Variants in CDKAL1 observed in about 807,000 individuals in gnomAD.
CDKAL1 encodes the protein CDKAL1 threonylcarbamoyladenosine tRNA methylthiotransferase.
CDKAL1 carries 32 observed loss-of-function variants against 68.2 expected under a neutral mutation model. The observed-to-expected ratio is 0.47, with a 90% CI of 0.35 to 0.63. The LOEUF (loss-of-function observed/expected upper bound fraction) is 0.63. Among genes scored for constraint, CDKAL1 ranks in the 30% least tolerant of loss-of-function variants. The pLI is 0.00. For synonymous variants in CDKAL1, 234 were observed against 244.3 expected, an observed-to-expected ratio of 0.96 and a Z score of 0.39; for missense variants, 606 against 696.7, an observed-to-expected ratio of 0.87 and a Z score of 1.47.
intron 8 of CDKAL1, among the ~76,000 whole-genome samples, chr6:20,799,207 C>T (rs1417149042): frequency 2.0e-5 from 3 of 151,914 alleles, no homozygotes; most frequent in Admixed American, 1.3e-4. Flanking sequence ...CACGCACCAC[C>T]GCACCTGGCT....
intron 13 of CDKAL1, among the ~76,000 whole-genome samples, chr6:21,174,156 G>A (rs188541329): frequency 1.2e-3 from 179 of 152,218 alleles, no homozygotes; most frequent in African/African-American, 3.9e-3. Flanking sequence ...GATCTCATTC[G>A]CTAAAGGAAC....
intron 7 of CDKAL1, among the ~76,000 whole-genome samples, chr6:20,772,519 GCCCCAGAAGGTAT>G (rs1215463848): frequency 1.3e-5 from 2 of 152,164 alleles, no homozygotes; most frequent in Non-Finnish European, 2.9e-5. Context: ...ACTGTAATTT[GCCCCAGAAGGTAT>G]CTCCATTAGA....
intron 8 of CDKAL1, among the ~76,000 whole-genome samples, chr6:20,809,405 G>A (rs12525153): frequency 0.12 from 18,656 of 152,062 alleles, 1,317 homozygotes; most frequent in African/African-American, 0.2. Context: ...AGTACAACAA[G>A]CTGATTAGGT....
rs1479614754 is a variant in CDKAL1 at position 20,658,552 on chromosome 6, A to G, written c.371+9175A>G. On this transcript the variant is annotated intron_variant, in intron 5 of 15. Transcript: ENST00000274695. ...CATAAATTATTGGATTGTTATTCCT[A>G]TTATGAAAATATTGTTTATGTAGAT... Among the ~76,000 whole-genome samples, 5 of 135,088 alleles carry G rather than the reference A, an allele frequency of 3.7e-5. No homozygotes were observed. In the South Asian group the frequency reaches 6.7e-4, roughly 18 times the overall value. 88.6% of individuals were successfully genotyped at this position (135,088 alleles called of 152,430 possible).
chr6:20,792,490 T>C (rs1775937999), intron 8 of CDKAL1, among the ~76,000 whole-genome samples: 1 of 152,228 alleles, frequency 6.6e-6, no homozygotes, highest in South Asian at 2.1e-4. Flanking sequence ...ATATATTTTA[T>C]GTACTGTTCT....
At chr6:21,035,413 T>C (rs1769521052) in intron 11 of CDKAL1, among the ~76,000 whole-genome samples, 2 of 152,118 alleles carry the variant, frequency 1.3e-5, no homozygotes, top group Non-Finnish European at 2.9e-5. Flanking sequence ...TTAGTACCCA[T>C]AGATTTTGTT....
At chr6:20,593,004 T>C (rs1765659172) in intron 4 of CDKAL1, among the ~76,000 whole-genome samples, 1 of 152,214 alleles carries the variant, frequency 6.6e-6, no homozygotes, top group Non-Finnish European at 1.5e-5. Flanking sequence ...CAGCCTTGCA[T>C]CCCAGGGATG....
intron 4 of CDKAL1, among the ~76,000 whole-genome samples, chr6:20,571,818 C>CAAA (rs1319211893): frequency 6.6e-6 from 1 of 151,634 alleles, no homozygotes; most frequent in East Asian, 1.9e-4. Context: ...GAATAGTTAC[C>CAAA]CATCTTGATG....
chr6:20,850,007 A>T (rs895133911), intron 9 of CDKAL1, among the ~76,000 whole-genome samples: 7 of 152,230 alleles, frequency 4.6e-5, no homozygotes, highest in Non-Finnish European at 8.8e-5. Flanking sequence ...GAAAGTAACC[A>T]TAATAGAAGA....
chr6:20,724,573 TGA>T (rs1486853835), intron 5 of CDKAL1, among the ~76,000 whole-genome samples: 2 of 151,316 alleles, frequency 1.3e-5, no homozygotes, highest in Non-Finnish European at 2.9e-5. Flanking sequence ...AAAAAAAAGC[TGA>T]GAGTGGAGGT....
At chr6:20,722,424 G>A in intron 5 of CDKAL1, 1 of 255,996 alleles carries the variant, frequency 3.9e-6, no homozygotes, top group Admixed American at 4.2e-5. Flanking sequence ...ATTTGCAACT[G>A]GGCTCAAAGC....
chr6:20,879,612 A>G (rs763807954), intron 9 of CDKAL1, among the ~76,000 whole-genome samples: 6 of 152,006 alleles, frequency 3.9e-5, no homozygotes, highest in Non-Finnish European at 8.8e-5. Flanking sequence ...TGGAATTTAA[A>G]CCTTGTTCTC....
chr6:20,992,519 A>G (rs952795496), intron 10 of CDKAL1, among the ~76,000 whole-genome samples: 1 of 152,240 alleles, frequency 6.6e-6, no homozygotes, highest in African/African-American at 2.4e-5. Context: ...TCAAGCTAAT[A>G]TAATTCAGAA....
chr6:20,609,889 C>T (rs1190440803), intron 4 of CDKAL1, among the ~76,000 whole-genome samples: 2 of 152,056 alleles, frequency 1.3e-5, no homozygotes, highest in African/African-American at 4.8e-5. Flanking sequence ...GTATTAAGCC[C>T]AGTATCCGTT....
At chr6:20,750,000 C>T (rs960090492) in intron 6 of CDKAL1, among the ~76,000 whole-genome samples, 1 of 152,086 alleles carries the variant, frequency 6.6e-6, no homozygotes, top group Admixed American at 6.5e-5. Context: ...ACCACCACAC[C>T]TGGCCCCAGA....
intron 6 of CDKAL1, among the ~76,000 whole-genome samples, chr6:20,750,560 A>ACCACC (rs1372041833): frequency 6.6e-6 from 1 of 152,090 alleles, no homozygotes; most frequent in Admixed American, 6.5e-5. Context: ...GAGAAGGGAG[A>ACCACC]TTCATCAAGT....
At chr6:20,676,691 AAAT>A (rs1770124222) in intron 5 of CDKAL1, among the ~76,000 whole-genome samples, 1 of 147,918 alleles carries the variant, frequency 6.8e-6, no homozygotes, top group African/African-American at 2.5e-5. Context: ...ATAAATAAAT[AAAT>A]AAATAAATAA....
At chr6:21,124,508 T>C (rs1774892998) in intron 13 of CDKAL1, among the ~76,000 whole-genome samples, 1 of 151,938 alleles carries the variant, frequency 6.6e-6, no homozygotes, top group African/African-American at 2.4e-5. Flanking sequence ...TCGATGAATA[T>C]TACATCTCTC....
At chr6:21,193,996 G>A (rs1339655155) in intron 13 of CDKAL1, among the ~76,000 whole-genome samples, 1 of 152,172 alleles carries the variant, frequency 6.6e-6, no homozygotes, top group African/African-American at 2.4e-5. Flanking sequence ...CATTTAGTGA[G>A]GGCTTCAACT....
Sources: gnomAD v4.1 joint callset for allele counts (sites outside exome capture counted in the v4.1 genomes callset) on GRCh38, gnomAD v4.1.1 for gene constraint, MANE v1.5 for transcripts, NCBI Gene and HGNC (gene_info 2026-07-23, HGNC 2026-07-21) for gene names.